The following REPS2 variants were observed in gnomAD, a reference collection of about 807,000 sequenced individuals.
The protein encoded by REPS2 is ralBP1-associated Eps domain-containing protein 2.
In REPS2, 23 loss-of-function variants were observed where a neutral mutation model predicts 53.6. The observed-to-expected ratio is 0.43, with a 90% CI of 0.31 to 0.61. The LOEUF (loss-of-function observed/expected upper bound fraction) is 0.61. REPS2 is among the 20% of genes least tolerant of loss of function. The probability of loss-of-function intolerance (pLI) is 0.11; values close to 1 mark genes in which losing one functional copy is unlikely to be tolerated. For missense variants in REPS2, 446 were observed against 534.9 expected (o/e 0.83, Z 1.64); for synonymous variants, 238 against 218.6 (o/e 1.09, Z -0.78).
chrX:17,050,805 T>C (rs1446905114), intron 6 of REPS2, among the ~76,000 whole-genome samples: 1 of 111,895 alleles, frequency 8.9e-6, no homozygotes. Context: ...AATCACATCA[T>C]GGTAAATGGG....
chrX:17,082,891 C>A (rs1438023777), intron 13 of REPS2, among the ~76,000 whole-genome samples: 1 of 110,563 alleles, frequency 9.0e-6, no homozygotes, highest in Non-Finnish European at 1.9e-5. Flanking sequence ...ACAGATGTCA[C>A]CTATTATAAA....
intron 1 of REPS2, chrX:16,978,630 T>C (rs1014830082): frequency 2.2e-5 from 15 of 694,998 alleles, no homozygotes; most frequent in Non-Finnish European, 2.6e-5. Flanking sequence ...TACAGTAATC[T>C]CAGAAGTTCT....
intron 5 of REPS2, among the ~76,000 whole-genome samples, chrX:17,031,520 T>C (rs1602735069): frequency 8.9e-6 from 1 of 112,302 alleles, no homozygotes; most frequent in African/African-American, 3.2e-5. Context: ...AAAAATGAGG[T>C]ATAACACTAA....
rs1446281720 is a variant in REPS2 at position 17,006,303 on chromosome X, C to G, written c.356C>G (p.Ala119Gly). Residue 119 changes from alanine to glycine, a missense_variant, in exon 2 of 18, where the codon GCA (alanine) becomes GGA (glycine). By Grantham distance (60) the Ala-to-Gly change is moderately conservative. Transcript: ENST00000357277. ...ATTGCCCTGAAATTAATTGCTGCAG[C>G]ACAATCTGGCCTCCCGGTACGGATA... ...FYIALKLIAA[A>G]QSGLPVRIES... 8.3e-7 allele frequency: 1 copy of G among 1,207,908 alleles called. No homozygotes were observed. The highest frequency in any genetic ancestry group is 2.2e-5 in the Admixed American group (1 of 45,797).
intron 12 of REPS2, chrX:17,074,370 C>G: frequency 2.7e-6 from 1 of 371,080 alleles, no homozygotes. Context: ...AGAAGGTGAC[C>G]ATGAATGCCC....
chrX:16,970,628 C>T (rs192489449), intron 1 of REPS2, among the ~76,000 whole-genome samples: 35 of 112,189 alleles, frequency 3.1e-4, no homozygotes, highest in African/African-American at 9.7e-4. Flanking sequence ...CAACTATTTC[C>T]GGAATATTTT....
intron 1 of REPS2, among the ~76,000 whole-genome samples, chrX:16,977,274 C>T (rs751066427): frequency 3.6e-4 from 39 of 109,631 alleles, no homozygotes; most frequent in Non-Finnish European, 6.6e-4. Flanking sequence ...CTCTCCACTT[C>T]ATGTTGAAAC....
chrX:17,087,104 T>C (rs751275580), intron 13 of REPS2, among the ~76,000 whole-genome samples: 14 of 112,473 alleles, frequency 1.2e-4, no homozygotes, highest in South Asian at 3.7e-4. Flanking sequence ...CAAATCCTAT[T>C]CTTTTTTGAC....
At chrX:17,101,146 C>G (rs897027789) in intron 13 of REPS2, among the ~76,000 whole-genome samples, 12 of 103,485 alleles carry the variant, frequency 1.2e-4, no homozygotes, top group African/African-American at 3.9e-4. Context: ...CTCCACCTCT[C>G]GGGTTCACGC....
chrX:16,987,129 C>T (rs1265454811), intron 1 of REPS2, among the ~76,000 whole-genome samples: 1 of 109,918 alleles, frequency 9.1e-6, no homozygotes, highest in Non-Finnish European at 1.9e-5. Flanking sequence ...GGGACAGGGT[C>T]TCGCTTTGTT....
At chrX:17,166,710 C>A in the REPS2 span, among the ~76,000 whole-genome samples, 1 of 111,378 alleles carries the variant, frequency 9.0e-6, no homozygotes, top group African/African-American at 3.3e-5. Context: ...GCTGGGATTT[C>A]TTCTCTGCCC....
intron 14 of REPS2, among the ~76,000 whole-genome samples, chrX:17,111,745 C>T (rs765869798): frequency 1.8e-5 from 2 of 111,845 alleles, no homozygotes; most frequent in South Asian, 7.5e-4. Context: ...GTAAGTTAGT[C>T]TCATGGACCT....
At chrX:17,168,211 A>G in the REPS2 span, among the ~76,000 whole-genome samples, 12 of 111,330 alleles carry the variant, frequency 1.1e-4, no homozygotes, top group African/African-American at 3.9e-4. Context: ...CAGTGGGGTA[A>G]CTCTCAACCA....
chrX:17,016,198 C>G (rs970002487), intron 2 of REPS2, among the ~76,000 whole-genome samples: 1 of 111,194 alleles, frequency 9.0e-6, no homozygotes, highest in Non-Finnish European at 1.9e-5. Context: ...TTTTTGACTG[C>G]GTAAATGTCT....
chrX:17,111,627 A>G (rs1402212721), intron 14 of REPS2, among the ~76,000 whole-genome samples: 1 of 112,034 alleles, frequency 8.9e-6, no homozygotes, highest in Non-Finnish European at 1.9e-5. Flanking sequence ...GAAAGAACAT[A>G]CTGAAAGCTG....
At chrX:17,100,227 A>G (rs1335922264) in intron 13 of REPS2, 60 of 581,462 alleles carry the variant, frequency 1.0e-4, no homozygotes, top group Non-Finnish European at 1.7e-4. Context: ...CCCTTTACCA[A>G]TCGACGGTAG....
At chrX:17,131,157 GA>G (rs2063286711) in intron 14 of REPS2, among the ~76,000 whole-genome samples, 1 of 111,349 alleles carries the variant, frequency 9.0e-6, no homozygotes, top group East Asian at 2.8e-4. Context: ...AACAGGGAGG[GA>G]AAAATGGGTG....
At chrX:17,079,847 G>A (rs189373609) in intron 13 of REPS2, among the ~76,000 whole-genome samples, 1 of 111,934 alleles carries the variant, frequency 8.9e-6, no homozygotes, top group East Asian at 2.8e-4. Flanking sequence ...TTTTCATGTT[G>A]GTTAATTCTC....
At position 16,947,119 on chromosome X, in the gene REPS2, C is replaced by G. The variant is rs750267689; in HGVS notation, c.258C>G (p.Ala86=). The G allele has an allele frequency of 9.2e-6, 10 of 1,092,699 alleles. No individual in the cohort carries two copies. Among genetic ancestry groups the G allele is most frequent in the East Asian group, 3.9e-5 (1 of 25,691 alleles). 90.1% of individuals were successfully genotyped at this position (1,092,699 alleles called of 1,213,427 possible). The change falls in exon 1 of 18, where the codon GCC becomes GCG. Residue 86 remains alanine (A), a synonymous_variant. Transcript: ENST00000357277. ...TGTTTCGGGCATCGCAGCTGCCCGCCGAGACGCTGCACCAGGTGGGTCCCT... is the reference window on the plus strand; with the variant it reads ...TGTTTCGGGCATCGCAGCTGCCCGCGGAGACGCTGCACCAGGTGGGTCCCT... ...ADLFRASQLP[A]ETLHQITELC...
Sources: allele counts gnomAD v4.1 joint callset (sites outside exome capture counted in the v4.1 genomes callset), GRCh38; gene constraint gnomAD v4.1.1; transcripts MANE v1.5; gene names NCBI Gene and HGNC (gene_info 2026-07-23, HGNC 2026-07-21).